PCNT: variants seen among roughly 807,000 people sequenced by gnomAD.
PCNT encodes kendrin.
A neutral mutation model predicts 380.4 loss-of-function variants in PCNT; 319 were observed. The ratio of observed to expected loss-of-function variants is 0.84; its 90% CI spans 0.77 to 0.92. The LOEUF (loss-of-function observed/expected upper bound fraction) is 0.92. PCNT is among the 40% of genes least tolerant of loss of function. PCNT has a pLI of 0.00. For synonymous variants in PCNT, 1,845 were observed against 1,735.2 expected, an observed-to-expected ratio of 1.06 and a Z score of -1.57; for missense variants, 4,400 against 4,255.3, an observed-to-expected ratio of 1.03 and a Z score of -0.95.
At position 46,413,301 on chromosome 21, in the gene PCNT, A is replaced by G. The variant is rs4577376; in HGVS notation, c.6150+309A>G. 0.88 allele frequency among the ~76,000 whole-genome samples: 65,523 copies of G among 74,646 alleles called. 29,407 individuals are homozygous for G. Among genetic ancestry groups the G allele is most frequent in the East Asian group, 0.95 (2,685 of 2,822 alleles). The allele number at this position is 74,646 out of a possible 152,430, so 49.0% of individuals were successfully genotyped here. A position where few individuals can be genotyped will look rare whatever the true frequency, so the allele number is the denominator to read the frequency against. On this transcript the variant is annotated intron_variant, in intron 29 of 46. Coordinates refer to ENST00000359568, the MANE Select transcript of PCNT (RefSeq NM_006031.6). Reference sequence around the variant, plus strand: ...GACACGCGGCAGCAAGGTGTGGGGAACGGGGAAGGCACGAGGCCCACCCGG... The same window carrying G: ...GACACGCGGCAGCAAGGTGTGGGGAGCGGGGAAGGCACGAGGCCCACCCGG...
chr21:46,346,336 T>G (rs1428243047), intron 4 of PCNT, 128 bp downstream of exon 4: 3 of 807,208 alleles, frequency 3.7e-6, no homozygotes, highest in Non-Finnish European at 6.1e-6. Flanking sequence ...GTTTCCACGT[T>G]CTGTGTGTGG....
intron 34 of PCNT, among the ~76,000 whole-genome samples, chr21:46,428,133 G>A (rs2087587687): frequency 6.6e-6 from 1 of 152,124 alleles, no homozygotes; most frequent in South Asian, 2.1e-4. Context: ...GTGCCGTGGG[G>A]ACACTGGAAA....
At chr21:46,366,067 G>A (rs1458914630) in intron 14 of PCNT, among the ~76,000 whole-genome samples, 1 of 150,998 alleles carries the variant, frequency 6.6e-6, no homozygotes, top group Non-Finnish European at 1.5e-5. Context: ...CTGCCTTGGG[G>A]TTCTATTCAC....
At chr21:46,341,182 C>T (rs2083901444) in intron 3 of PCNT, among the ~76,000 whole-genome samples, 1 of 152,202 alleles carries the variant, frequency 6.6e-6, no homozygotes, top group African/African-American at 2.4e-5. Flanking sequence ...CGCGCCTGGC[C>T]AGCCCATCCA....
rs1315848774 is a variant in PCNT at position 46,436,029 on chromosome 21, G to T, written c.8877G>T (p.Arg2959Ser). Residue 2959 changes from arginine (R) to serine (S), a missense_variant, in exon 39 of 47, where the codon AGG becomes AGT. Transcript: ENST00000359568. Reference protein sequence around the residue: ...GSRLHLGSARRAAGSDADHLR... With the variant: ...GSRLHLGSARSAAGSDADHLR... Reference sequence around the variant, plus strand: ...GCCTCCACCTAGGTTCTGCCCGCAGGGCTGCCGGCTCGGATGCGGACCACC... The same window carrying T: ...GCCTCCACCTAGGTTCTGCCCGCAGTGCTGCCGGCTCGGATGCGGACCACC... 1.2e-6 allele frequency: 2 copies of T among 1,614,038 alleles called. No individual in the cohort carries two copies. The highest frequency in any genetic ancestry group is 1.7e-5 in the Admixed American group (1 of 60,036).
chr21:46,345,231 T>G (rs2031668962), intron 3 of PCNT, among the ~76,000 whole-genome samples: 1 of 152,188 alleles, frequency 6.6e-6, no homozygotes. Context: ...TTTATTTATT[T>G]TTTTGAGGTG....
At chr21:46,385,609 G>T (rs2085802214) in intron 16 of PCNT, among the ~76,000 whole-genome samples, 2 of 152,150 alleles carry the variant, frequency 1.3e-5, no homozygotes, top group African/African-American at 4.8e-5. Flanking sequence ...AAATGTGCAG[G>T]TGCTCCTTGG....
rs111643679 is a variant in PCNT at position 46,403,705 on chromosome 21, T to C, written c.5115+1222T>C. ...GTGTGGTGCCCACGCGGCACGTGCT[T>C]GGTGAATGAACACAGCGTGGGAGAA... On this transcript the variant is annotated intron_variant, in intron 27 of 46. Transcript: ENST00000359568. Among the ~76,000 whole-genome samples, 363 of 81,096 alleles carry C rather than the reference T, an allele frequency of 4.5e-3. 5 individuals carry two copies. Among genetic ancestry groups the C allele is most frequent in the African/African-American group, 0.012 (228 of 19,410 alleles). The allele number at this position is 81,096 out of a possible 152,430, so 53.2% of individuals were successfully genotyped here. A position where few individuals can be genotyped will look rare whatever the true frequency, so the allele number is the denominator to read the frequency against.
intron 15 of PCNT, among the ~76,000 whole-genome samples, chr21:46,372,229 CACACAGCACATGCACAT>C (rs1601872931): frequency 6.6e-6 from 1 of 151,892 alleles, no homozygotes; most frequent in Admixed American, 6.6e-5. Context: ...CACATGTGCA[CACACAGCACATGCACAT>C]ACACAGCACA....
intron 4 of PCNT, 97 bp from the exon 5 acceptor site, chr21:46,346,646 T>C (rs1035733216): frequency 7.0e-7 from 1 of 1,424,912 alleles, no homozygotes; most frequent in Non-Finnish European, 9.6e-7. Context: ...TCATTTTCTG[T>C]GTCTTCCTTA....
At position 46,346,090 on chromosome 21, in the gene PCNT, T is replaced by G. The variant is rs2839216; in HGVS notation, c.640-38T>G. 0.035 allele frequency: 55,945 copies of G among 1,591,078 alleles called. 6,377 individuals are homozygous for G. The African/African-American group carries it at 0.39, about 11-fold the overall frequency. ...GAGCACATCACTGTGGCTTCTCATG[T>G]GAATTCTGGACCTACATTCTTTGCC... On this transcript the variant is annotated intron_variant, in intron 3 of 46. Transcript: ENST00000359568.
chr21:46,425,810 T>G lies in PCNT; in HGVS notation c.7180-21T>G. On this transcript the variant is annotated intron_variant, in intron 32 of 46. Transcript: ENST00000359568. This position sits in a 1 kb window ranked among gnomAD's most constrained non-coding sequence, Gnocchi z 4.2. Reference sequence around the variant, plus strand: ...TGTGGGGTGGCAGGCAACTCCCTTCTGACGCGCTTTCCCGCCACAGGCTTT... The same window carrying G: ...TGTGGGGTGGCAGGCAACTCCCTTCGGACGCGCTTTCCCGCCACAGGCTTT... 1 of 1,612,708 alleles carries G rather than the reference T, an allele frequency of 6.2e-7. No homozygotes were observed. The highest frequency in any genetic ancestry group is 8.5e-7 in the Non-Finnish European group (1 of 1,179,862).
At chr21:46,433,014 T>A (rs904310892) in intron 38 of PCNT, among the ~76,000 whole-genome samples, 1 of 152,220 alleles carries the variant, frequency 6.6e-6, no homozygotes, top group African/African-American at 2.4e-5. Flanking sequence ...TACTTATTTA[T>A]TTTTTGAGAT....
rs906496903 is a variant in PCNT, at chr21:46,443,960, G to A, written c.9839+12G>A. 6.2e-7 allele frequency: 1 copy of A among 1,610,144 alleles called. No individual in the cohort carries two copies. On this transcript the variant is annotated intron_variant, in intron 45 of 46. Transcript: ENST00000359568. ...CACAGTGGGGGAAGGTCAGTGTGAT[G>A]CCTTCAGGCCCCGTCTCCTGCCAGG...
intron 15 of PCNT, among the ~76,000 whole-genome samples, chr21:46,372,844 G>C (rs1320849485): frequency 6.6e-6 from 1 of 152,164 alleles, no homozygotes; most frequent in Non-Finnish European, 1.5e-5. Flanking sequence ...GCACCCTGCT[G>C]GGTATCGTGT....
In PCNT at chr21:46,444,740, T is replaced by C. The variant is rs752708321; in HGVS notation, c.9886T>C (p.Ser3296Pro). 6.2e-7 allele frequency: 1 copy of C among 1,613,470 alleles called. No individual in the cohort carries two copies. The highest frequency in any genetic ancestry group is 1.7e-4 in the Middle Eastern group (1 of 6,060). ...NSRLERSLTA[S>P]QDPEHSLTEY... is the part of the protein sequence containing the mutation. ...AAGATTAGAAAGATCCCTGACTGCTTCTCAAGATCCAGAACATTCCTTGAC... is the reference window on the plus strand; with the variant it reads ...AAGATTAGAAAGATCCCTGACTGCTCCTCAAGATCCAGAACATTCCTTGAC... The change falls in exon 46 of 47, where the codon TCT (serine) becomes CCT (proline). Residue 3296 changes from serine (S) to proline (P), a missense_variant. Transcript: ENST00000359568.
At chr21:46,414,815 C>T (rs545310043) in intron 29 of PCNT, among the ~76,000 whole-genome samples, 9 of 150,306 alleles carry the variant, frequency 6.0e-5, no homozygotes, top group African/African-American at 7.4e-5. Context: ...GACATGCAGC[C>T]GCCCACCCTG....
intron 14 of PCNT, among the ~76,000 whole-genome samples, chr21:46,366,013 C>T (rs73907470): frequency 0.059 from 8,964 of 150,720 alleles, 597 homozygotes; most frequent in African/African-American, 0.17. Flanking sequence ...TGTTCACTGC[C>T]GTGGGGTTCT....
chr21:46,378,916 C>A (rs117060607), intron 15 of PCNT, among the ~76,000 whole-genome samples: 1 of 152,138 alleles, frequency 6.6e-6, no homozygotes, highest in Non-Finnish European at 1.5e-5. Context: ...GTCTTTTAAA[C>A]CAGGAGGAAG....
Sources: allele counts gnomAD v4.1 joint callset (sites outside exome capture counted in the v4.1 genomes callset), GRCh38; gene constraint gnomAD v4.1.1; non-coding constraint Gnocchi (gnomAD v3.1); transcripts MANE v1.5; gene names NCBI Gene and HGNC (gene_info 2026-07-23, HGNC 2026-07-21).